The following STIP1 variants were observed in gnomAD, a reference collection of about 807,000 sequenced individuals.
STIP1 encodes stress-induced-phosphoprotein 1.
Under a neutral mutation model 77.4 loss-of-function variants are expected in STIP1, and 16 were observed. The observed-to-expected ratio is 0.21, with a 90% confidence interval of 0.14 to 0.31. The LOEUF (loss-of-function observed/expected upper bound fraction) is 0.31, where lower values mean the gene tolerates loss of function less well. Among genes scored for constraint, STIP1 ranks in the 10% least tolerant of loss-of-function variants. The pLI, the probability that STIP1 is intolerant of heterozygous loss-of-function variation, is 1.00. For missense variants in STIP1, 524 were observed against 684.8 expected (o/e 0.77, Z 2.62); for synonymous variants, 258 against 246.6 (o/e 1.05, Z -0.44).
intron 7 of STIP1, 59 bp from the exon 8 acceptor site, chr11:64,197,795 T>C: frequency 1.3e-6 from 2 of 1,588,790 alleles, no homozygotes; most frequent in Non-Finnish European, 1.7e-6. Flanking sequence ...TGTGTTTTTC[T>C]GCAGGAGCTG....
At chr11:64,185,320 G>A (rs753192874), upstream of STIP1, 1 of 165,842 alleles carries the variant, frequency 6.0e-6, no homozygotes, top group Non-Finnish European at 1.3e-5. Context: ...GCTGAGAAAG[G>A]GTGTGCGGTT....
At chr11:64,202,571 T>C (rs1946230941) in intron 10 of STIP1, 4 of 373,428 alleles carry the variant, frequency 1.1e-5, no homozygotes. Context: ...TAGTCAGCAA[T>C]GGTTTTGGAT....
At chr11:64,188,765 T>G (rs755838875) in intron 1 of STIP1, among the ~76,000 whole-genome samples, 15 of 152,224 alleles carry the variant, frequency 9.9e-5, no homozygotes, top group Non-Finnish European at 2.2e-4. Context: ...ATATTTGACT[T>G]AGGACAGCAA....
intron 1 of STIP1, among the ~76,000 whole-genome samples, chr11:64,191,237 G>A (rs1461033514): frequency 2.0e-5 from 3 of 151,312 alleles, no homozygotes; most frequent in African/African-American, 7.3e-5. Flanking sequence ...TTGAGCCCAG[G>A]AGCTCAAGGT....
chr11:64,194,109 A>G, intron 2 of STIP1, 80 bp from the exon 3 acceptor site: 1 of 1,542,674 alleles, frequency 6.5e-7, no homozygotes. Context: ...CCATAAAAGT[A>G]GAATTGTTCT....
chr11:64,190,654 T>G (rs908536847), intron 1 of STIP1, among the ~76,000 whole-genome samples: 2 of 152,192 alleles, frequency 1.3e-5, no homozygotes, highest in African/African-American at 2.4e-5. Flanking sequence ...CGTGGGTGGA[T>G]AATACATAGA....
chr11:64,198,827 C>CT (rs1276568854), intron 8 of STIP1, among the ~76,000 whole-genome samples: 1 of 145,856 alleles, frequency 6.9e-6, no homozygotes, highest in Admixed American at 7.3e-5. Flanking sequence ...TATTGAGGGC[C>CT]TGTGCATTGA....
At chr11:64,204,007 G>T in intron 13 of STIP1, 47 bp from the exon 14 acceptor site, 2 of 1,600,456 alleles carry the variant, frequency 1.2e-6, no homozygotes, top group South Asian at 2.2e-5. Context: ...GAGCAAGTAA[G>T]ACTTTAAAGG....
chr11:64,194,419 G>A (rs1946125660), intron 3 of STIP1, 60 bp from the exon 4 acceptor site: 1 of 1,612,100 alleles, frequency 6.2e-7, no homozygotes. Context: ...GGTAGGGTAT[G>A]GGACACAGTA....
Position 64,204,234 on chromosome 11 carries a change from C to G in STIP1, c.*108C>G, listed in dbSNP as rs1355333844. On this transcript the variant is annotated 3_prime_UTR_variant, in exon 14 of 14. Coordinates refer to ENST00000305218, the MANE Select transcript of STIP1 (RefSeq NM_006819.3). ...GAGCAGGGGAGAGAAGGCCTCATCT[C>G]TCTATATTTATACATAACCCCGGGG... The G allele has an allele frequency of 3.5e-6, 4 of 1,127,206 alleles. No homozygotes were observed. The highest frequency in any genetic ancestry group is 4.7e-5 in the East Asian group (2 of 42,208). 69.8% of individuals were successfully genotyped at this position (1,127,206 alleles called of 1,614,324 possible).
At chr11:64,203,005 C>A (rs1212302654) in intron 11 of STIP1, 93 bp downstream of exon 11, 1 of 1,600,744 alleles carries the variant, frequency 6.2e-7, no homozygotes, top group South Asian at 1.1e-5. Flanking sequence ...GTCCTTGGGA[C>A]CTGTAGGATT....
rs369507310 is a variant in STIP1 at position 64,187,301 on chromosome 11, C to G, written c.9+1031C>G. ...GGACAAAACAACCTCCAAGAAACCTCTACCAACCTCCGAGAAATCATCCTC... is the reference window on the plus strand; with the variant it reads ...GGACAAAACAACCTCCAAGAAACCTGTACCAACCTCCGAGAAATCATCCTC... On this transcript the variant is annotated intron_variant, in intron 1 of 13. Transcript: ENST00000305218. Among the ~76,000 whole-genome samples the G allele has an allele frequency of 2.0e-5, 3 of 152,288 alleles. No individual in the cohort carries two copies. The East Asian group carries it at 5.8e-4, about 29-fold the overall frequency.
intron 8 of STIP1, among the ~76,000 whole-genome samples, chr11:64,198,653 G>C (rs929599857): frequency 6.6e-6 from 1 of 151,466 alleles, no homozygotes; most frequent in African/African-American, 2.4e-5. Context: ...GGCTGAACCT[G>C]ATCTTTTTTT....
chr11:64,203,692 TG>T (rs768909305), intron 13 of STIP1, 70 bp downstream of exon 13: 17 of 1,590,714 alleles, frequency 1.1e-5, no homozygotes, highest in South Asian at 4.5e-5. Context: ...TGCACGCGGC[TG>T]GGGGGTGGTA....
chr11:64,186,100 G>A (rs1280815535), upstream of STIP1: 18 of 1,550,272 alleles, frequency 1.2e-5, no homozygotes, highest in Non-Finnish European at 1.6e-5. Context: ...TAGTAGAGCA[G>A]CACAGACATT....
chr11:64,193,650 G>A (rs1375501386), intron 2 of STIP1, among the ~76,000 whole-genome samples: 1 of 152,142 alleles, frequency 6.6e-6, no homozygotes, highest in East Asian at 1.9e-4. Flanking sequence ...AGCCAGGCAT[G>A]GTGGCATGTG....
Position 64,202,926 on chromosome 11 carries a change from T to C in STIP1, c.1282+14T>C, listed in dbSNP as rs536255525. ...AGCCGACCTTCAGTAAGTGCCTTTC[T>C]GCTGCCTGTCCCCTGTCTCTAGCCA... On this transcript the variant is annotated intron_variant, in intron 11 of 13. Transcript: ENST00000305218. The C allele has an allele frequency of 9.2e-5, 148 of 1,614,228 alleles. No homozygotes were observed. The South Asian group carries it at 1.5e-3, about 17-fold the overall frequency.
In STIP1 at chr11:64,197,968, C is replaced by G; in HGVS notation, c.1017C>G (p.Cys339Trp). Residue 339 changes from cysteine to tryptophan, a missense_variant, in exon 8 of 14, where the codon TGC (cysteine) becomes TGG (tryptophan). Transcript: ENST00000305218. The part of the protein sequence containing the change: ...EHRTPDVLKK[C>W]QQAEKILKEQ... ...GAACCCCAGATGTGCTCAAGAAATG[C>G]CAGCAGGTGCGTAGGAAAAGAATAG... 6.2e-7 allele frequency: 1 copy of G among 1,612,460 alleles called. No homozygotes were observed. The highest frequency in any genetic ancestry group is 1.1e-5 in the South Asian group (1 of 90,868).
chr11:64,186,835 A>T (rs1166764891), intron 1 of STIP1, among the ~76,000 whole-genome samples: 1 of 152,302 alleles, frequency 6.6e-6, no homozygotes, highest in Admixed American at 6.5e-5. Context: ...ACATCTGAGA[A>T]GGTCAGGGTG....
Sources: allele counts gnomAD v4.1 joint callset (sites outside exome capture counted in the v4.1 genomes callset), GRCh38; gene constraint gnomAD v4.1.1; transcripts MANE v1.5; gene names NCBI Gene and HGNC (gene_info 2026-07-23, HGNC 2026-07-21).